The following CCDC171 variants were observed in gnomAD, a reference collection of about 807,000 sequenced individuals.
CCDC171 encodes the protein coiled-coil domain containing 171.
Under a neutral mutation model 168.2 loss-of-function variants are expected in CCDC171, and 177 were observed. The ratio of observed to expected loss-of-function variants is 1.05; its 90% confidence interval spans 0.93 to 1.19. The LOEUF (loss-of-function observed/expected upper bound fraction) is 1.19, where lower values mean the gene tolerates loss of function less well. Ranked by LOEUF, CCDC171 falls within the 50% of genes most tolerant of loss-of-function variation. CCDC171 has a pLI of 0.00. For synonymous variants in CCDC171, 687 were observed against 540.8 expected (o/e 1.27, Z -3.75); for missense variants, 1,991 against 1,539.0 (o/e 1.29, Z -4.91).
intron 6 of CCDC171, among the ~76,000 whole-genome samples, chr9:15,600,658 A>C (rs1030865477): frequency 6.6e-6 from 1 of 152,104 alleles, no homozygotes; most frequent in Non-Finnish European, 1.5e-5. Flanking sequence ...TACTCTCTTC[A>C]AAGCTGTCAG....
At chr9:16,103,764 C>T in the CCDC171 span, among the ~76,000 whole-genome samples, 1 of 152,194 alleles carries the variant, frequency 6.6e-6, no homozygotes, top group African/African-American at 2.4e-5. Context: ...TCAGGATTAG[C>T]CCAGTGACCT....
At chr9:16,070,745 G>A in the CCDC171 span, among the ~76,000 whole-genome samples, 1 of 152,190 alleles carries the variant, frequency 6.6e-6, no homozygotes, top group East Asian at 1.9e-4. Context: ...TTTAACATGT[G>A]TGGCCACCCA....
chr9:15,685,434 T>A (rs2050322832), intron 10 of CCDC171, among the ~76,000 whole-genome samples: 1 of 152,030 alleles, frequency 6.6e-6, no homozygotes, highest in Non-Finnish European at 1.5e-5. Context: ...GAGACCAGCC[T>A]GAGCAACAAA....
intron 24 of CCDC171, among the ~76,000 whole-genome samples, chr9:15,904,379 C>G (rs1445663990): frequency 6.6e-6 from 1 of 152,004 alleles, no homozygotes; most frequent in Non-Finnish European, 1.5e-5. Flanking sequence ...ATTCAACATT[C>G]TTAAAAGAAT....
At chr9:15,989,792 A>G (rs920228907) in intron 3 of CCDC171, among the ~76,000 whole-genome samples, 1 of 152,188 alleles carries the variant, frequency 6.6e-6, no homozygotes, top group Non-Finnish European at 1.5e-5. Context: ...CACAAGCTTC[A>G]GTAGCTGATT....
intron 7 of CCDC171, among the ~76,000 whole-genome samples, chr9:15,641,931 A>G (rs2132539633): frequency 6.6e-6 from 1 of 152,306 alleles, no homozygotes; most frequent in Middle Eastern, 3.4e-3. Flanking sequence ...TGGGAGGCCA[A>G]GGTGGGCGGA....
downstream of CCDC171, among the ~76,000 whole-genome samples, chr9:15,975,463 T>C (rs1257039987): frequency 6.6e-6 from 1 of 152,186 alleles, no homozygotes; most frequent in African/African-American, 2.4e-5. Flanking sequence ...TATGAATTGA[T>C]TAGACAAAAC....
chr9:15,937,030 A>C (rs370711325), intron 25 of CCDC171, among the ~76,000 whole-genome samples: 1 of 152,064 alleles, frequency 6.6e-6, no homozygotes, highest in Non-Finnish European at 1.5e-5. Context: ...AGAACAAGGA[A>C]GTGCTGTTTG....
intron 21 of CCDC171, among the ~76,000 whole-genome samples, chr9:15,828,875 AG>A (rs1227776537): frequency 3.3e-5 from 5 of 152,182 alleles, no homozygotes; most frequent in African/African-American, 1.2e-4. Flanking sequence ...AAAAATAATC[AG>A]GGTTTTTGTA....
At chr9:15,916,303 A>C (rs1392617770) in intron 24 of CCDC171, among the ~76,000 whole-genome samples, 1 of 151,910 alleles carries the variant, frequency 6.6e-6, no homozygotes, top group Non-Finnish European at 1.5e-5. Flanking sequence ...ATACTCATTT[A>C]ATTTCTATAA....
downstream of CCDC171, among the ~76,000 whole-genome samples, chr9:16,062,097 C>T (rs1366145856): frequency 6.6e-6 from 1 of 152,136 alleles, no homozygotes; most frequent in East Asian, 1.9e-4. Flanking sequence ...CAACACATCC[C>T]AGAGAGAACC....
chr9:15,897,970 G>A (rs1821125979), intron 24 of CCDC171, among the ~76,000 whole-genome samples: 1 of 152,170 alleles, frequency 6.6e-6, no homozygotes, highest in African/African-American at 2.4e-5. Flanking sequence ...TAGCATCACT[G>A]AACCACAGTT....
At chr9:15,631,078 C>T (rs2045646084) in intron 7 of CCDC171, among the ~76,000 whole-genome samples, 1 of 151,660 alleles carries the variant, frequency 6.6e-6, no homozygotes, top group South Asian at 2.1e-4. Context: ...CGGAAAGATC[C>T]AAAATTGACA....
At chr9:15,864,911 G>T (rs976824772) in intron 23 of CCDC171, among the ~76,000 whole-genome samples, 3 of 152,050 alleles carry the variant, frequency 2.0e-5, no homozygotes, top group African/African-American at 7.2e-5. Context: ...TGAGGCTTTT[G>T]AGAAAGCATG....
At chr9:15,742,329 C>G (rs1356208799) in intron 16 of CCDC171, among the ~76,000 whole-genome samples, 1 of 152,148 alleles carries the variant, frequency 6.6e-6, no homozygotes, top group African/African-American at 2.4e-5. Context: ...GTACTCAGTC[C>G]TCTGTTATCT....
At chr9:15,779,253 A>T (rs2135416774) in intron 20 of CCDC171, 103 bp downstream of exon 20, 1 of 629,250 alleles carries the variant, frequency 1.6e-6, no homozygotes, top group Non-Finnish European at 2.4e-6. Context: ...TTTTCAAATA[A>T]TTCAAAAGCC....
intron 11 of CCDC171, among the ~76,000 whole-genome samples, chr9:15,703,327 G>A (rs1399437094): frequency 6.6e-6 from 1 of 152,154 alleles, no homozygotes; most frequent in Admixed American, 6.5e-5. Context: ...TCATTCATGT[G>A]TTCACTGGAG....
intron 3 of CCDC171, among the ~76,000 whole-genome samples, chr9:16,008,944 A>G (rs1202170065): frequency 6.6e-6 from 1 of 152,140 alleles, no homozygotes; most frequent in African/African-American, 2.4e-5. Context: ...TCATATAAGC[A>G]GGCCCTTGGC....
intron 23 of CCDC171, among the ~76,000 whole-genome samples, chr9:15,857,798 G>A (rs2061403117): frequency 6.6e-6 from 1 of 151,784 alleles, no homozygotes; most frequent in Non-Finnish European, 1.5e-5. Context: ...TTTCCCCATT[G>A]TGTCTTCTTT....
Sources: gnomAD v4.1 joint callset for allele counts (sites outside exome capture counted in the v4.1 genomes callset) on GRCh38, gnomAD v4.1.1 for gene constraint, MANE v1.5 for transcripts, NCBI Gene and HGNC (gene_info 2026-07-23, HGNC 2026-07-21) for gene names.